ANO10: variants seen among roughly 807,000 people sequenced by gnomAD.
ANO10 encodes anoctamin 10, also known as anoctamin-10.
Under a neutral mutation model 74.7 loss-of-function variants are expected in ANO10, and 77 were observed. The ratio of observed to expected loss-of-function variants is 1.03; its 90% confidence interval spans 0.86 to 1.25. ANO10 has a LOEUF of 1.25. Among genes scored for constraint, ANO10 ranks in the 50% most tolerant of loss-of-function variants. The pLI is 0.00. For synonymous variants in ANO10, 279 were observed against 284.9 expected (o/e 0.98, Z 0.21); for missense variants, 721 against 778.1 (o/e 0.93, Z 0.87).
intron 1 of ANO10, among the ~76,000 whole-genome samples, chr3:43,688,845 GAA>G (rs112066091): frequency 8.8e-6 from 1 of 113,162 alleles, no homozygotes. Flanking sequence ...CTCCGTCTTA[GAA>G]AAAAAAAAAA....
intron 4 of ANO10, among the ~76,000 whole-genome samples, chr3:43,592,582 A>G (rs183141860): frequency 1.8e-3 from 270 of 152,344 alleles, no homozygotes; most frequent in Non-Finnish European, 3.0e-3. Flanking sequence ...CATTCACACC[A>G]AAACCCCATC....
chr3:43,373,697 C>A (rs2091698465), intron 12 of ANO10, among the ~76,000 whole-genome samples: 1 of 152,212 alleles, frequency 6.6e-6, no homozygotes, highest in South Asian at 2.1e-4. Flanking sequence ...CATCCCCAGG[C>A]ACACACTCAT....
intron 7 of ANO10, among the ~76,000 whole-genome samples, chr3:43,569,302 T>C (rs1392292548): frequency 1.5e-5 from 2 of 133,620 alleles, no homozygotes; most frequent in South Asian, 2.5e-4. Context: ...TTCCAATCAA[T>C]AGAAAAAGAG....
At chr3:43,430,220 T>C (rs4420837) in intron 12 of ANO10, among the ~76,000 whole-genome samples, 149,579 of 152,080 alleles carry the variant, frequency 0.98, 73,619 homozygotes, top group Middle Eastern at 1. Flanking sequence ...TTGTTATATA[T>C]GAAAATATTT....
intron 1 of ANO10, among the ~76,000 whole-genome samples, chr3:43,650,274 G>A (rs911145066): frequency 6.6e-6 from 1 of 152,158 alleles, no homozygotes; most frequent in Non-Finnish European, 1.5e-5. Flanking sequence ...CCAATTCTTC[G>A]ACTGTCCCTG....
At chr3:43,582,218 AAGG>A (rs1424213432) in intron 4 of ANO10, among the ~76,000 whole-genome samples, 1 of 152,110 alleles carries the variant, frequency 6.6e-6, no homozygotes, top group Non-Finnish European at 1.5e-5. Flanking sequence ...TTGGGAGGCC[AAGG>A]CGGGTGGATC....
chr3:43,518,978 A>T (rs1263518663), intron 11 of ANO10, among the ~76,000 whole-genome samples: 1 of 152,018 alleles, frequency 6.6e-6, no homozygotes, highest in Non-Finnish European at 1.5e-5. Context: ...CCCTATTCGT[A>T]CACCCCTCCC....
At chr3:43,437,042 G>C (rs886114377) in intron 11 of ANO10, among the ~76,000 whole-genome samples, 2 of 152,126 alleles carry the variant, frequency 1.3e-5, no homozygotes, top group Non-Finnish European at 2.9e-5. Context: ...CATGCCAAAT[G>C]CAAATTAATA....
At chr3:43,656,039 G>T (rs2083846187) in intron 1 of ANO10, among the ~76,000 whole-genome samples, 1 of 120,698 alleles carries the variant, frequency 8.3e-6, no homozygotes, top group Non-Finnish European at 1.7e-5. Context: ...TAGATACAGT[G>T]TCCATTGGTG....
At chr3:43,594,923 A>C (rs1454480869) in intron 4 of ANO10, among the ~76,000 whole-genome samples, 1 of 152,196 alleles carries the variant, frequency 6.6e-6, no homozygotes, top group Non-Finnish European at 1.5e-5. Flanking sequence ...AAAAATGATA[A>C]AGGGGATATC....
chr3:43,591,529 C>A (rs986334310), intron 4 of ANO10, among the ~76,000 whole-genome samples: 1 of 152,210 alleles, frequency 6.6e-6, no homozygotes, highest in African/African-American at 2.4e-5. Context: ...AGCCTGCCCC[C>A]ATCCTGGGAG....
At chr3:43,559,945 T>A (rs1166859094) in intron 9 of ANO10, among the ~76,000 whole-genome samples, 1 of 152,144 alleles carries the variant, frequency 6.6e-6, no homozygotes, top group Non-Finnish European at 1.5e-5. Context: ...TATATAAATA[T>A]AAACAATGTT....
At chr3:43,623,764 T>C (rs1340386006), upstream of ANO10, among the ~76,000 whole-genome samples, 1 of 152,226 alleles carries the variant, frequency 6.6e-6, no homozygotes, top group Non-Finnish European at 1.5e-5. Context: ...CCTCCGATGC[T>C]ATCATGGCAG....
chr3:43,496,841 G>A (rs925244391), intron 11 of ANO10, among the ~76,000 whole-genome samples: 1 of 151,984 alleles, frequency 6.6e-6, no homozygotes, highest in African/African-American at 2.4e-5. Context: ...ATCCTCCTCT[G>A]ATTTTTGTTC....
At chr3:43,493,285 G>A (rs1045816249) in intron 11 of ANO10, among the ~76,000 whole-genome samples, 1 of 152,140 alleles carries the variant, frequency 6.6e-6, no homozygotes, top group Non-Finnish European at 1.5e-5. Flanking sequence ...GGGCATGGGG[G>A]GCTAGGGGAG....
intron 12 of ANO10, among the ~76,000 whole-genome samples, chr3:43,375,372 C>G (rs1054047321): frequency 1.2e-4 from 19 of 152,048 alleles, no homozygotes; most frequent in Non-Finnish European, 2.4e-4. Context: ...CGCTTGAACC[C>G]GAGAGGTGGA....
chr3:43,562,460 A>AAAAAAAAAAAG lies in ANO10; in HGVS notation c.1294-1059_1294-1058insCTTTTTTTTTT, dbSNP rs1223676774. On this transcript the variant is annotated intron_variant, in intron 8 of 12. Transcript: ENST00000292246. The stretch of plus-strand genomic sequence containing the variant: ...GAACGAGGCTCTGTCTCAAACAAAA[A>AAAAAAAAAAAG]AAAAAAAAAAAGAAGTTTGAGACCA... Among the ~76,000 whole-genome samples the AAAAAAAAAAAG allele has an allele frequency of 4.1e-5, 6 of 147,210 alleles. No individual in the cohort carries two copies. The East Asian group carries it at 1.2e-3, about 30-fold the overall frequency.
intron 11 of ANO10, among the ~76,000 whole-genome samples, chr3:43,445,222 C>T (rs1316195717): frequency 6.6e-6 from 1 of 151,506 alleles, no homozygotes; most frequent in Admixed American, 6.6e-5. Context: ...GGAAAAATGG[C>T]TGAGTCTAGG....
intron 12 of ANO10, among the ~76,000 whole-genome samples, chr3:43,375,077 C>T (rs889419147): frequency 1.3e-5 from 2 of 151,602 alleles, no homozygotes; most frequent in Admixed American, 1.3e-4. Flanking sequence ...GCCGAGATTG[C>T]GCCACTACAC....
Sources: gnomAD v4.1 joint callset for allele counts (sites outside exome capture counted in the v4.1 genomes callset) on GRCh38, gnomAD v4.1.1 for gene constraint, MANE v1.5 for transcripts, NCBI Gene and HGNC (gene_info 2026-07-23, HGNC 2026-07-21) for gene names.